Variants in FBXO42 observed in about 807,000 individuals in gnomAD.
FBXO42 encodes F-box protein 42, also known as F-box only protein 42.
A neutral mutation model predicts 71.7 loss-of-function variants in FBXO42; 12 were observed. The ratio of observed to expected loss-of-function variants is 0.17; its 90% CI spans 0.11 to 0.27. The LOEUF is 0.27. FBXO42 is among the 10% of genes least tolerant of loss of function. FBXO42 has a pLI of 1.00. For synonymous variants in FBXO42, 325 were observed against 327.5 expected, an observed-to-expected ratio of 0.99 and a Z score of 0.08; for missense variants, 707 against 911.9, an observed-to-expected ratio of 0.78 and a Z score of 2.89.
chr1:16,301,704 G>A (rs1379288194), intron 3 of FBXO42, among the ~76,000 whole-genome samples: 9 of 150,652 alleles, frequency 6.0e-5, no homozygotes, highest in Non-Finnish European at 3.0e-5. Flanking sequence ...AAAAGAAACG[G>A]TACAAGAATG....
At chr1:16,306,955 T>A (rs1252411745) in intron 2 of FBXO42, among the ~76,000 whole-genome samples, 1 of 151,808 alleles carries the variant, frequency 6.6e-6, no homozygotes, top group Non-Finnish European at 1.5e-5. Context: ...TAGGCTGGAG[T>A]GTAGTGGCTC....
rs71574177 is a variant in FBXO42 at position 16,338,804 on chromosome 1, C to CTTTTTT, written c.-18+13445_-18+13450dup. On this transcript the variant is annotated intron_variant, in intron 1 of 9. Transcript: ENST00000375592. ...AATGGAACATTTTATTTCCATTTGT[C>CTTTTTT]TTTTTTTTTTTTTTTTTTTTTTTTG... Among the ~76,000 whole-genome samples the CTTTTTT allele has an allele frequency of 4.4e-3, 354 of 80,954 alleles. 7 individuals are homozygous for CTTTTTT. The highest frequency in any genetic ancestry group is 5.8e-3 in the Non-Finnish European group (258 of 44,396). 53.1% of individuals were successfully genotyped at this position (80,954 alleles called of 152,430 possible). A position where few individuals can be genotyped will look rare whatever the true frequency, so the allele number is the denominator to read the frequency against.
chr1:16,349,385 T>C (rs1270723125), intron 1 of FBXO42, among the ~76,000 whole-genome samples: 1 of 152,162 alleles, frequency 6.6e-6, no homozygotes, highest in Non-Finnish European at 1.5e-5. Context: ...AGTACCTACT[T>C]CCCAAAACAC....
At chr1:16,336,184 T>C (rs2082551598) in intron 1 of FBXO42, among the ~76,000 whole-genome samples, 1 of 151,802 alleles carries the variant, frequency 6.6e-6, no homozygotes, top group Non-Finnish European at 1.5e-5. Context: ...GTGACCTGCC[T>C]ACCTCAGCCT....
At chr1:16,253,835 C>T in intron 6 of FBXO42, 104 bp from the exon 7 acceptor site, 5 of 978,328 alleles carry the variant, frequency 5.1e-6, no homozygotes, top group South Asian at 1.4e-5. Context: ...CAAACTTGCA[C>T]CATTTTCACT....
intron 1 of FBXO42, among the ~76,000 whole-genome samples, chr1:16,339,101 T>G (rs2082579385): frequency 6.6e-6 from 1 of 151,068 alleles, no homozygotes; most frequent in South Asian, 2.1e-4. Flanking sequence ...TAAGCCACCC[T>G]GCCCAGCGGT....
At chr1:16,261,934 G>A (rs1373917545) in intron 4 of FBXO42, among the ~76,000 whole-genome samples, 1 of 151,936 alleles carries the variant, frequency 6.6e-6, no homozygotes, top group Non-Finnish European at 1.5e-5. Flanking sequence ...GGATGGTCTC[G>A]ATCTCCTGAC....
At chr1:16,270,751 T>TGCGC (rs1553150254) in intron 4 of FBXO42, among the ~76,000 whole-genome samples, 1 of 111,002 alleles carries the variant, frequency 9.0e-6, no homozygotes, top group African/African-American at 3.6e-5. Context: ...TACCATGAGA[T>TGCGC]ACACACACAC....
chr1:16,272,130 G>C (rs2081853407), intron 4 of FBXO42, among the ~76,000 whole-genome samples: 1 of 143,664 alleles, frequency 7.0e-6, no homozygotes, highest in Non-Finnish European at 1.5e-5. Flanking sequence ...ACTCCAGCCT[G>C]GGGGACAGAG....
At chr1:16,266,871 G>A (rs1033604210) in intron 4 of FBXO42, among the ~76,000 whole-genome samples, 6 of 152,124 alleles carry the variant, frequency 3.9e-5, no homozygotes, top group African/African-American at 1.4e-4. Context: ...GGCACTGGAG[G>A]ATAGCGTGGC....
intron 1 of FBXO42, among the ~76,000 whole-genome samples, chr1:16,327,874 G>T (rs1459606523): frequency 6.6e-6 from 1 of 152,012 alleles, no homozygotes; most frequent in Non-Finnish European, 1.5e-5. Flanking sequence ...GCTAATTTTC[G>T]TATTTTAGTA....
chr1:16,333,508 T>G (rs1184141590), intron 1 of FBXO42, among the ~76,000 whole-genome samples: 2 of 145,346 alleles, frequency 1.4e-5, no homozygotes, highest in Non-Finnish European at 3.0e-5. Context: ...GTCCCAGCTA[T>G]GTGGGAGGCT....
intron 1 of FBXO42, among the ~76,000 whole-genome samples, chr1:16,334,104 G>C (rs1198317445): frequency 6.6e-6 from 1 of 152,090 alleles, no homozygotes; most frequent in Non-Finnish European, 1.5e-5. Flanking sequence ...CTACCAGACA[G>C]AAATATGGGG....
intron 3 of FBXO42, among the ~76,000 whole-genome samples, chr1:16,296,367 T>C (rs374372541): frequency 6.4e-4 from 96 of 150,528 alleles, no homozygotes; most frequent in African/African-American, 2.3e-3. Flanking sequence ...ATTCACAGAT[T>C]CAGGCCAGGT....
intron 4 of FBXO42, among the ~76,000 whole-genome samples, chr1:16,266,187 T>TA (rs1557574812): frequency 1.2e-3 from 182 of 150,560 alleles, no homozygotes; most frequent in African/African-American, 4.1e-3. Flanking sequence ...ATAGTTTTTT[T>TA]TAAAAAAAAT....
intron 4 of FBXO42, among the ~76,000 whole-genome samples, chr1:16,274,101 G>A (rs995313744): frequency 1.1e-4 from 17 of 151,886 alleles, no homozygotes; most frequent in Admixed American, 9.2e-4. Context: ...TTTGAGACCA[G>A]GCATTCAAGA....
At chr1:16,305,696 A>G (rs779575590) in intron 3 of FBXO42, 107 bp downstream of exon 3, 74 of 915,564 alleles carry the variant, frequency 8.1e-5, no homozygotes, top group Non-Finnish European at 1.3e-4. Context: ...CTTGGGTGAT[A>G]GAGTGAGACC....
Position 16,250,909 on chromosome 1 carries a change from T to C in FBXO42, c.1915A>G (p.Met639Val). Residue 639 changes from methionine to valine, a missense_variant, in exon 10 of 10, where the codon ATG becomes GTG. Physicochemically the swap from Met to Val is conservative, Grantham distance 21. Transcript: ENST00000375592. The surrounding 1 kb of genome is among the most constrained non-coding windows in gnomAD (Gnocchi z 4.7). ...LNVGKPLYQS[M>V]NCKPMQMYVL... ...TACATCTGCATGGGCTTGCAGTTCA[T>C]ACTCTGGTATAGGGGTTTGCCAACA... 1 of 1,614,192 alleles carries C rather than the reference T, an allele frequency of 6.2e-7. No homozygotes were observed. The highest frequency in any genetic ancestry group is 8.5e-7 in the Non-Finnish European group (1 of 1,180,038).
At chr1:16,338,146 C>A (rs1391000268) in intron 1 of FBXO42, among the ~76,000 whole-genome samples, 1 of 151,468 alleles carries the variant, frequency 6.6e-6, no homozygotes, top group Admixed American at 6.6e-5. Flanking sequence ...GTAGTCCCAG[C>A]TACTCGGGAG....
Sources: allele counts gnomAD v4.1 joint callset (sites outside exome capture counted in the v4.1 genomes callset), GRCh38; gene constraint gnomAD v4.1.1; non-coding constraint Gnocchi (gnomAD v3.1); transcripts MANE v1.5; gene names NCBI Gene and HGNC (gene_info 2026-07-23, HGNC 2026-07-21).